The following BAZ2B variants were observed in gnomAD, a reference collection of about 807,000 sequenced individuals.
BAZ2B encodes the protein bromodomain adjacent to zinc finger domain 2B.
BAZ2B carries 91 observed loss-of-function variants against 246.0 expected under a neutral mutation model. The observed-to-expected ratio is 0.37, with a 90% CI of 0.31 to 0.44. BAZ2B has a LOEUF of 0.44. BAZ2B is among the 20% of genes least tolerant of loss of function. The pLI, the probability that BAZ2B is intolerant of heterozygous loss-of-function variation, is 1.00. For missense variants in BAZ2B, 2,332 were observed against 2,533.7 expected (o/e 0.92, Z 1.71); for synonymous variants, 855 against 860.0 (o/e 0.99, Z 0.10).
intron 27 of BAZ2B, among the ~76,000 whole-genome samples, chr2:159,365,542 T>A (rs1431271845): frequency 6.6e-6 from 1 of 152,204 alleles, no homozygotes; most frequent in African/African-American, 2.4e-5. Flanking sequence ...AATGGATGGA[T>A]ACAAACTTGG....
intron 2 of BAZ2B, among the ~76,000 whole-genome samples, chr2:159,505,494 T>C (rs1042300913): frequency 1.3e-5 from 2 of 152,166 alleles, no homozygotes; most frequent in Non-Finnish European, 2.9e-5. Flanking sequence ...TTTATAAGCT[T>C]CACTATTGCC....
intron 2 of BAZ2B, among the ~76,000 whole-genome samples, chr2:159,530,724 C>T (rs2085291303): frequency 1.3e-5 from 2 of 152,122 alleles, no homozygotes; most frequent in African/African-American, 4.8e-5. Flanking sequence ...AATCCTAGCA[C>T]TTTGGGAGGC....
the BAZ2B span, among the ~76,000 whole-genome samples, chr2:159,667,752 C>A: frequency 6.6e-6 from 1 of 152,048 alleles, no homozygotes; most frequent in Admixed American, 6.5e-5. Flanking sequence ...TTCCATTGGT[C>A]CACGGGCTTT....
chr2:159,462,480 G>A (rs2076527887), intron 3 of BAZ2B: 3 of 1,055,844 alleles, frequency 2.8e-6, no homozygotes, highest in African/African-American at 3.1e-5. Flanking sequence ...AGCTGCCGGC[G>A]CAAGACCTTG....
rs943140566 is a variant in BAZ2B, at chr2:159,616,447, C to G, written c.-251G>C. On this transcript the variant is annotated 5_prime_UTR_variant, in exon 1 of 37. Transcript: ENST00000392783. ...CCTTCTCCGTCTTCCGCCTCTCTCTCTCTGATTAGTTCCTATCCAGCAGCA... is the reference window on the plus strand; with the variant it reads ...CCTTCTCCGTCTTCCGCCTCTCTCTGTCTGATTAGTTCCTATCCAGCAGCA... The G allele has an allele frequency of 6.6e-6, 1 of 152,222 alleles. No homozygotes were observed. The highest frequency in any genetic ancestry group is 1.5e-5 in the Non-Finnish European group (1 of 68,058). 9.4% of individuals were successfully genotyped at this position (152,222 alleles called of 1,614,324 possible). A position where few individuals can be genotyped will look rare whatever the true frequency, so the allele number is the denominator to read the frequency against.
chr2:159,400,565 ATTACT>A (rs1256835857), intron 17 of BAZ2B, 29 bp downstream of exon 17: 2 of 1,308,580 alleles, frequency 1.5e-6, no homozygotes, highest in African/African-American at 1.5e-5. Context: ...ATATGGCTAA[ATTACT>A]TTAATTATAT....
chr2:159,429,946 G>C (rs973918771), intron 10 of BAZ2B, among the ~76,000 whole-genome samples: 1 of 152,148 alleles, frequency 6.6e-6, no homozygotes, highest in Admixed American at 6.6e-5. Flanking sequence ...GACATTGAAT[G>C]AGAACTGAGA....
intron 2 of BAZ2B, among the ~76,000 whole-genome samples, chr2:159,549,775 A>T (rs1578278623): frequency 1.9e-5 from 2 of 105,190 alleles, no homozygotes; most frequent in Admixed American, 8.9e-5. Flanking sequence ...TGAGATGTTT[A>T]AAAAAAAAAA....
intron 8 of BAZ2B, chr2:159,433,620 T>G: frequency 3.3e-6 from 1 of 298,876 alleles, no homozygotes; most frequent in South Asian, 8.6e-5. Context: ...TCTTTACTGT[T>G]GCTTCCATTT....
At chr2:159,446,103 GA>G (rs904899783) in intron 6 of BAZ2B, among the ~76,000 whole-genome samples, 1 of 152,028 alleles carries the variant, frequency 6.6e-6, no homozygotes, top group African/African-American at 2.4e-5. Flanking sequence ...AACAGAGCCA[GA>G]CTCTGTCAAA....
chr2:159,510,404 T>C (rs946969901), intron 2 of BAZ2B, among the ~76,000 whole-genome samples: 6 of 152,100 alleles, frequency 3.9e-5, no homozygotes, highest in Non-Finnish European at 5.9e-5. Context: ...TCTCAAGTGA[T>C]CCTTGAGACC....
chr2:159,679,711 T>C, the BAZ2B span, among the ~76,000 whole-genome samples: 1 of 152,226 alleles, frequency 6.6e-6, no homozygotes, highest in South Asian at 2.1e-4. Context: ...ATTATTCATA[T>C]TTATATATGA....
At chr2:159,515,351 A>G (rs1302409351) in intron 2 of BAZ2B, among the ~76,000 whole-genome samples, 3 of 151,952 alleles carry the variant, frequency 2.0e-5, no homozygotes, top group African/African-American at 7.2e-5. Context: ...TCTACTTCCC[A>G]TTTCAGTCGT....
intron 2 of BAZ2B, among the ~76,000 whole-genome samples, chr2:159,541,067 T>C (rs1223071236): frequency 6.6e-6 from 1 of 152,184 alleles, no homozygotes; most frequent in Non-Finnish European, 1.5e-5. Flanking sequence ...AGATTTGTAT[T>C]TCTAAGAAAT....
At chr2:159,641,396 C>T in the BAZ2B span, among the ~76,000 whole-genome samples, 7 of 152,028 alleles carry the variant, frequency 4.6e-5, no homozygotes, top group Non-Finnish European at 1.0e-4. Context: ...TGTCCTTTGC[C>T]CGCTTTTTAG....
At chr2:159,574,375 T>C (rs1684783197) in intron 1 of BAZ2B, among the ~76,000 whole-genome samples, 2 of 151,970 alleles carry the variant, frequency 1.3e-5, no homozygotes, top group South Asian at 2.1e-4. Context: ...AAAAACCTAA[T>C]AAGTGTTTGT....
intron 2 of BAZ2B, among the ~76,000 whole-genome samples, chr2:159,481,889 A>G (rs1346860891): frequency 6.6e-6 from 1 of 152,006 alleles, no homozygotes; most frequent in African/African-American, 2.4e-5. Context: ...GTGATGTGGG[A>G]TCCTAAGTTG....
intron 1 of BAZ2B, among the ~76,000 whole-genome samples, chr2:159,570,943 T>G (rs1340382189): frequency 6.6e-6 from 1 of 152,192 alleles, no homozygotes; most frequent in African/African-American, 2.4e-5. Context: ...AACCTCCTCC[T>G]CCTGGGTTCA....
chr2:159,432,284 T>G (rs2071276361), intron 9 of BAZ2B, among the ~76,000 whole-genome samples: 1 of 152,098 alleles, frequency 6.6e-6, no homozygotes, highest in Admixed American at 6.6e-5. Context: ...AAAAAGTGAC[T>G]CAAAATTAAA....
Sources: gnomAD v4.1 joint callset for allele counts (sites outside exome capture counted in the v4.1 genomes callset) on GRCh38, gnomAD v4.1.1 for gene constraint, MANE v1.5 for transcripts, NCBI Gene and HGNC (gene_info 2026-07-23, HGNC 2026-07-21) for gene names.